The following RBMS3 variants were observed in gnomAD, a reference collection of about 807,000 sequenced individuals.
RBMS3 encodes the protein RNA binding motif single stranded interacting protein 3.
RBMS3 carries 27 observed loss-of-function variants against 66.8 expected under a neutral mutation model. That is an observed-to-expected ratio of 0.40 (90% CI 0.30 to 0.56). The LOEUF is 0.56. Ranked by LOEUF, RBMS3 falls within the 20% of genes least tolerant of loss-of-function variation. RBMS3 has a pLI of 0.40. For missense variants in RBMS3, 513 were observed against 549.5 expected (o/e 0.93, Z 0.66); for synonymous variants, 188 against 183.0 (o/e 1.03, Z -0.22).
intron 1 of RBMS3, among the ~76,000 whole-genome samples, chr3:29,359,155 C>T (rs962994883): frequency 2.0e-5 from 3 of 152,130 alleles, no homozygotes; most frequent in African/African-American, 4.8e-5. Flanking sequence ...CCAGTTTTTG[C>T]CCATTCAGTA....
intron 3 of RBMS3, among the ~76,000 whole-genome samples, chr3:29,550,095 C>G (rs1381045251): frequency 2.0e-5 from 3 of 152,224 alleles, no homozygotes; most frequent in African/African-American, 7.2e-5. Flanking sequence ...TTGAAGCTCT[C>G]AAATATCTGA....
At chr3:29,448,106 A>G (rs979871892) in intron 2 of RBMS3, among the ~76,000 whole-genome samples, 1 of 152,140 alleles carries the variant, frequency 6.6e-6, no homozygotes, top group African/African-American at 2.4e-5. Flanking sequence ...GCATGTCTCA[A>G]CACAGAACAG....
intron 1 of RBMS3, among the ~76,000 whole-genome samples, chr3:29,294,840 A>C (rs761279737): frequency 6.6e-6 from 1 of 151,730 alleles, no homozygotes; most frequent in Non-Finnish European, 1.5e-5. Context: ...TTGAACTGTT[A>C]ACCAATTTTG....
At chr3:29,824,474 G>A (rs746316165) in intron 6 of RBMS3, among the ~76,000 whole-genome samples, 26 of 152,106 alleles carry the variant, frequency 1.7e-4, no homozygotes, top group Non-Finnish European at 8.8e-5. Flanking sequence ...TCACAAAAGA[G>A]TCACATCTTT....
intron 1 of RBMS3, among the ~76,000 whole-genome samples, chr3:29,431,595 A>T (rs1037195176): frequency 7.2e-5 from 11 of 151,840 alleles, no homozygotes; most frequent in Non-Finnish European, 1.6e-4. Context: ...CCAGCCAAAA[A>T]ACGTTTATTT....
At chr3:29,483,813 A>G (rs945833322) in intron 2 of RBMS3, among the ~76,000 whole-genome samples, 1 of 152,182 alleles carries the variant, frequency 6.6e-6, no homozygotes, top group African/African-American at 2.4e-5. Context: ...TCTTCTAGGA[A>G]CTTTTCTCCA....
At chr3:29,305,384 G>A (rs1414219605) in intron 1 of RBMS3, among the ~76,000 whole-genome samples, 2 of 151,832 alleles carry the variant, frequency 1.3e-5, no homozygotes, top group African/African-American at 2.4e-5. Context: ...ATTCTTTGTT[G>A]TATCCCAAGA....
chr3:29,693,981 T>C (rs2052154239), intron 4 of RBMS3, among the ~76,000 whole-genome samples: 1 of 152,202 alleles, frequency 6.6e-6, no homozygotes, highest in Non-Finnish European at 1.5e-5. Flanking sequence ...TTTAAAGCAA[T>C]AGTTGAATCA....
At chr3:29,527,063 G>A (rs2045143344) in intron 3 of RBMS3, among the ~76,000 whole-genome samples, 1 of 151,490 alleles carries the variant, frequency 6.6e-6, no homozygotes, top group Admixed American at 6.6e-5. Context: ...GTAGAACAGA[G>A]ATCTACTGTG....
chr3:29,307,427 A>G (rs1299839199), intron 1 of RBMS3, among the ~76,000 whole-genome samples: 1 of 151,910 alleles, frequency 6.6e-6, no homozygotes, highest in Non-Finnish European at 1.5e-5. Context: ...GTAGCCCCTA[A>G]TCTCTCACCA....
intron 2 of RBMS3, among the ~76,000 whole-genome samples, chr3:29,482,217 C>T (rs1311148184): frequency 1.3e-5 from 2 of 152,152 alleles, no homozygotes; most frequent in East Asian, 1.9e-4. Context: ...CATAAACTTT[C>T]GCTAAGGTGA....
intron 4 of RBMS3, among the ~76,000 whole-genome samples, chr3:29,620,128 A>G (rs977232605): frequency 1.3e-5 from 2 of 152,158 alleles, no homozygotes; most frequent in Admixed American, 6.5e-5. Flanking sequence ...AAACAAATGG[A>G]AAATTTTGGA....
chr3:29,680,717 T>C (rs1306928417), intron 4 of RBMS3, among the ~76,000 whole-genome samples: 2 of 152,212 alleles, frequency 1.3e-5, no homozygotes, highest in Non-Finnish European at 2.9e-5. Context: ...TGTTTTATTA[T>C]ATGCCCGTCA....
intron 10 of RBMS3, among the ~76,000 whole-genome samples, chr3:29,922,514 A>G (rs2060817281): frequency 6.8e-6 from 1 of 147,502 alleles, no homozygotes; most frequent in Non-Finnish European, 1.5e-5. Flanking sequence ...AAAAAAAAAA[A>G]GAAAAAAGAT....
intron 3 of RBMS3, among the ~76,000 whole-genome samples, chr3:29,537,860 G>A (rs976028213): frequency 6.7e-6 from 1 of 149,838 alleles, no homozygotes; most frequent in African/African-American, 2.5e-5. Context: ...AAAAAAATTT[G>A]CCCCGATACC....
chr3:29,869,576 C>T (rs994502887), intron 7 of RBMS3, among the ~76,000 whole-genome samples: 1 of 152,064 alleles, frequency 6.6e-6, no homozygotes, highest in Admixed American at 6.6e-5. Context: ...GAAGGAAAAG[C>T]ACTGAACAGC....
At chr3:29,416,202 C>G (rs2040471034) in intron 1 of RBMS3, among the ~76,000 whole-genome samples, 1 of 152,014 alleles carries the variant, frequency 6.6e-6, no homozygotes, top group African/African-American at 2.4e-5. Flanking sequence ...CAGAACACCT[C>G]TTGGTGTGTG....
chr3:29,635,995 G>A (rs752787262), intron 4 of RBMS3, among the ~76,000 whole-genome samples: 2 of 151,494 alleles, frequency 1.3e-5, no homozygotes, highest in East Asian at 1.9e-4. Flanking sequence ...AAGGGATCCT[G>A]GGAAATGCAA....
chr3:29,663,691 C>T (rs963623081), intron 4 of RBMS3, among the ~76,000 whole-genome samples: 5 of 152,136 alleles, frequency 3.3e-5, no homozygotes, highest in African/African-American at 1.2e-4. Flanking sequence ...CTGACTACAC[C>T]ATGGCATCAC....
Sources: gnomAD v4.1 joint callset for allele counts (sites outside exome capture counted in the v4.1 genomes callset) on GRCh38, gnomAD v4.1.1 for gene constraint, MANE v1.5 for transcripts, NCBI Gene and HGNC (gene_info 2026-07-23, HGNC 2026-07-21) for gene names.